NEO1: variants seen among roughly 807,000 people sequenced by gnomAD.
The protein encoded by NEO1 is neogenin 1.
Under a neutral mutation model 159.7 loss-of-function variants are expected in NEO1, and 63 were observed. The ratio of observed to expected loss-of-function variants is 0.39; its 90% CI spans 0.32 to 0.49. The LOEUF is 0.49. Ranked by LOEUF, NEO1 falls within the 20% of genes least tolerant of loss-of-function variation. The pLI is 0.85. For missense variants in NEO1, 1,615 were observed against 1,831.0 expected (o/e 0.88, Z 2.15); for synonymous variants, 633 against 662.0 (o/e 0.96, Z 0.67).
At chr15:73,256,136 G>A (rs1049593216) in intron 13 of NEO1, 1 of 152,084 alleles carries the variant, frequency 6.6e-6, no homozygotes, top group Admixed American at 6.5e-5. Context: ...ACAGAAGCTT[G>A]GCATCACCCA....
chr15:73,217,029 C>T (rs1187191861), intron 7 of NEO1, among the ~76,000 whole-genome samples: 1 of 152,074 alleles, frequency 6.6e-6, no homozygotes, highest in Non-Finnish European at 1.5e-5. Flanking sequence ...AATGGTAATG[C>T]CTAGGTTTTC....
chr15:73,254,980 T>C (rs2040269289), intron 13 of NEO1, 151 bp downstream of exon 13: 2 of 723,246 alleles, frequency 2.8e-6, no homozygotes, highest in Non-Finnish European at 4.2e-6. Flanking sequence ...ACTTCTGACT[T>C]GATAGAGATT....
chr15:73,155,449 C>T (rs531019086), intron 5 of NEO1, among the ~76,000 whole-genome samples: 1 of 152,004 alleles, frequency 6.6e-6, no homozygotes, highest in Non-Finnish European at 1.5e-5. Flanking sequence ...ATTCCAAGTC[C>T]TTTTTGGAAT....
At chr15:73,132,060 G>A (rs1885587274) in intron 4 of NEO1, among the ~76,000 whole-genome samples, 1 of 152,128 alleles carries the variant, frequency 6.6e-6, no homozygotes, top group African/African-American at 2.4e-5. Context: ...ATACCATTTT[G>A]TAGAGTTATC....
At chr15:73,181,200 A>G (rs1489253814) in intron 7 of NEO1, among the ~76,000 whole-genome samples, 2 of 152,192 alleles carry the variant, frequency 1.3e-5, no homozygotes, top group Non-Finnish European at 2.9e-5. Flanking sequence ...TTCCTGTAGT[A>G]AGGTAGCCTT....
intron 15 of NEO1, among the ~76,000 whole-genome samples, chr15:73,263,228 C>G (rs1436901093): frequency 7.4e-6 from 1 of 134,612 alleles, no homozygotes; most frequent in Non-Finnish European, 1.5e-5. Context: ...GCATCTCACT[C>G]TGTTGCCCAG....
intron 1 of NEO1, among the ~76,000 whole-genome samples, chr15:73,070,296 A>G (rs2068468327): frequency 6.6e-6 from 1 of 152,352 alleles, no homozygotes; most frequent in South Asian, 2.1e-4. Flanking sequence ...AGTTTTTAAT[A>G]CAGTGGCTTT....
intron 1 of NEO1, among the ~76,000 whole-genome samples, chr15:73,099,602 A>G (rs938889877): frequency 2.6e-5 from 4 of 152,192 alleles, no homozygotes; most frequent in Non-Finnish European, 4.4e-5. Flanking sequence ...GATTTCATAA[A>G]TATTACTTCT....
chr15:73,108,321 A>G (rs776736754), intron 1 of NEO1, among the ~76,000 whole-genome samples: 1 of 152,234 alleles, frequency 6.6e-6, no homozygotes, highest in Non-Finnish European at 1.5e-5. Context: ...AAGAAATTAT[A>G]TAAAATATTA....
Position 73,249,067 on chromosome 15 carries a change from C to A in NEO1, c.1614C>A (p.Leu538=). 6.2e-7 allele frequency: 1 copy of A among 1,613,890 alleles called. No individual in the cohort carries two copies. Among genetic ancestry groups the A allele is most frequent in the Non-Finnish European group, 8.5e-7 (1 of 1,179,894 alleles). ...TCGAACTTTTCTTTCTAGTTCAGCT[C>A]CCTGGCCCAGCACCTAACCTTCGTG... is the stretch of plus-strand genomic sequence containing the variant. ...LRVETQPEVQ[L]PGPAPNLRAY... The change falls in exon 10 of 29, where the codon CTC becomes CTA. Residue 538 remains leucine, a synonymous_variant. Coordinates refer to ENST00000261908, the MANE Select transcript of NEO1 (RefSeq NM_002499.4).
chr15:73,100,568 C>A (rs1223904154), intron 1 of NEO1, among the ~76,000 whole-genome samples: 1 of 152,128 alleles, frequency 6.6e-6, no homozygotes, highest in African/African-American at 2.4e-5. Context: ...CTCCTGACCT[C>A]AGATGATCCA....
At chr15:73,272,608 TGA>T in intron 19 of NEO1, 46 bp downstream of exon 19, 6 of 1,297,484 alleles carry the variant, frequency 4.6e-6, no homozygotes, top group Non-Finnish European at 6.7e-6. Flanking sequence ...TCTTCCTGCC[TGA>T]CAGGAGTATT....
intron 1 of NEO1, among the ~76,000 whole-genome samples, chr15:73,057,540 G>C (rs1001962293): frequency 6.6e-6 from 1 of 152,164 alleles, no homozygotes; most frequent in African/African-American, 2.4e-5. Flanking sequence ...AGTGAAGTGA[G>C]GAGAAGTTTT....
At chr15:73,279,360 T>TTGTTTTTG in intron 22 of NEO1, among the ~76,000 whole-genome samples, 1 of 143,482 alleles carries the variant, frequency 7.0e-6, no homozygotes, top group African/African-American at 2.5e-5. Flanking sequence ...GGTTTTTTTT[T>TTGTTTTTG]TTTTTTGAGA....
chr15:73,079,969 G>A (rs1359144584), intron 1 of NEO1, among the ~76,000 whole-genome samples: 3 of 152,172 alleles, frequency 2.0e-5, no homozygotes, highest in African/African-American at 7.2e-5. Flanking sequence ...AATTCTCAAA[G>A]CAAAGTTGTT....
chr15:73,274,087 C>A, intron 20 of NEO1, 82 bp downstream of exon 20: 3 of 1,299,248 alleles, frequency 2.3e-6, no homozygotes, highest in Non-Finnish European at 3.2e-6. Context: ...CATATAGAGT[C>A]TGTGGATAGT....
intron 7 of NEO1, among the ~76,000 whole-genome samples, chr15:73,205,363 G>A (rs1178719657): frequency 6.6e-6 from 1 of 152,142 alleles, no homozygotes; most frequent in African/African-American, 2.4e-5. Context: ...AAAATTGGAG[G>A]AACAAGGAAT....
intron 5 of NEO1, among the ~76,000 whole-genome samples, chr15:73,168,380 G>C (rs1335502173): frequency 1.1e-3 from 9 of 8,558 alleles, no homozygotes; most frequent in African/African-American, 2.9e-3. Flanking sequence ...GACGGGGGGT[G>C]GGGGGGGGGG....
At chr15:73,265,625 A>G (rs2040847646) in intron 15 of NEO1, among the ~76,000 whole-genome samples, 1 of 152,160 alleles carries the variant, frequency 6.6e-6, no homozygotes, top group African/African-American at 2.4e-5. Context: ...TGTGTTGCCC[A>G]AAGCACTTTT....
Sources: gnomAD v4.1 joint callset for allele counts (sites outside exome capture counted in the v4.1 genomes callset) on GRCh38, gnomAD v4.1.1 for gene constraint, MANE v1.5 for transcripts, NCBI Gene and HGNC (gene_info 2026-07-23, HGNC 2026-07-21) for gene names.